SRSF3: variants seen among roughly 807,000 people sequenced by gnomAD.
SRSF3 encodes the protein serine and arginine rich splicing factor 3.
For synonymous variants in SRSF3, 87 were observed against 73.6 expected, an observed-to-expected ratio of 1.18 and a Z score of -0.93; for missense variants, 58 against 217.1, an observed-to-expected ratio of 0.27 and a Z score of 4.61.
At chr6:36,599,686 G>GA in intron 3 of SRSF3, 1 of 700,852 alleles carries the variant, frequency 1.4e-6, no homozygotes, top group Non-Finnish European at 2.2e-6. Context: ...TTGCTATTTT[G>GA]AAAAACAACA....
At position 36,604,528 on chromosome 6, in the gene SRSF3, G is replaced by A. The variant is rs533726337; in HGVS notation, c.*2539G>A. The A allele has an allele frequency of 1.1e-5, 2 of 177,444 alleles. No individual in the cohort carries two copies. The highest frequency in any genetic ancestry group is 1.9e-4 in the East Asian group (2 of 10,574). 11.0% of individuals were successfully genotyped at this position (177,444 alleles called of 1,614,324 possible). On this transcript the variant is annotated 3_prime_UTR_variant, in exon 6 of 6. Transcript: ENST00000373715. The stretch of plus-strand genomic sequence containing the variant: ...CCTCCATGTCTTAAGCAGAAAGTAG[G>A]GAAGTTGTAGTTTTACCAAGCACAG...
rs1466692181 is a variant in SRSF3, at chr6:36,601,070, A to G, written c.342-82A>G. On this transcript the variant is annotated intron_variant, in intron 3 of 5. Coordinates refer to ENST00000373715, the MANE Select transcript of SRSF3 (RefSeq NM_003017.5). ...CTTCGGCACATTCACTGGGCCCAAC[A>G]GTGAGATTGAAAAGTTGGGAAATGC... 5 of 1,155,790 alleles carry G rather than the reference A, an allele frequency of 4.3e-6. No homozygotes were observed. In the African/African-American group the frequency reaches 6.9e-5, roughly 16 times the overall value. The allele number at this position is 1,155,790 out of a possible 1,614,324, so 71.6% of individuals were successfully genotyped here. A position where few individuals can be genotyped will look rare whatever the true frequency, so the allele number is the denominator to read the frequency against.
rs573272365 is a variant in SRSF3 at position 36,594,467 on chromosome 6, T to C, written c.-17T>C. 2.5e-4 allele frequency: 38 copies of C among 152,520 alleles called. No individual in the cohort carries two copies. Among genetic ancestry groups the C allele is most frequent in the Non-Finnish European group, 4.7e-4 (32 of 68,026 alleles). The allele number at this position is 152,520 out of a possible 1,614,324, so 9.4% of individuals were successfully genotyped here. ...TGTGGATTTGAGCCGCCGCATTTTT[T>C]AACCCTAGATCTCGGTAAGAGACCA... On this transcript the variant is annotated 5_prime_UTR_variant, in exon 1 of 6. Coordinates refer to ENST00000373715, the MANE Select transcript of SRSF3 (RefSeq NM_003017.5).
Position 36,602,185 on chromosome 6 carries a change from G to A in SRSF3, c.*196G>A. ...TATGGTTTGAAATGGATCATACGAG[G>A]CATGTAATACCAAGAATTGTTACTT... On this transcript the variant is annotated 3_prime_UTR_variant, in exon 6 of 6. Coordinates refer to ENST00000373715, the MANE Select transcript of SRSF3 (RefSeq NM_003017.5). 3.7e-6 allele frequency: 4 copies of A among 1,074,364 alleles called. No homozygotes were observed. The highest frequency in any genetic ancestry group is 5.1e-6 in the Non-Finnish European group (4 of 788,454). 66.6% of individuals were successfully genotyped at this position (1,074,364 alleles called of 1,614,324 possible). A position where few individuals can be genotyped will look rare whatever the true frequency, so the allele number is the denominator to read the frequency against.
Position 36,604,906 on chromosome 6 carries a change from C to G in SRSF3, c.*2917C>G, listed in dbSNP as rs1161698183. The G allele has an allele frequency of 6.6e-6, 1 of 152,012 alleles. No homozygotes were observed. Among genetic ancestry groups the G allele is most frequent in the East Asian group, 1.9e-4 (1 of 5,196 alleles). The allele number at this position is 152,012 out of a possible 1,614,324, so 9.4% of individuals were successfully genotyped here. ...TCCAAGTATGCTTTTTTTCAGAGTT[C>G]TGAATGAGATTTAGTTGTCATACCT... is the stretch of plus-strand genomic sequence containing the variant. On this transcript the variant is annotated 3_prime_UTR_variant, in exon 6 of 6. Coordinates refer to ENST00000373715, the MANE Select transcript of SRSF3 (RefSeq NM_003017.5).
intron 2 of SRSF3, 37 bp downstream of exon 2, chr6:36,597,005 T>C (rs1460114371): frequency 6.3e-7 from 1 of 1,599,326 alleles, no homozygotes; most frequent in Non-Finnish European, 8.6e-7. Context: ...ATGTGTTGCT[T>C]GTGTTTTTCA....
chr6:36,601,263 G>A, intron 4 of SRSF3, 73 bp downstream of exon 4: 7 of 1,517,254 alleles, frequency 4.6e-6, no homozygotes, highest in East Asian at 2.3e-5. Flanking sequence ...TTTTCCAGGT[G>A]GCTTAGTTAA....
chr6:36,598,925 T>C lies in SRSF3; in HGVS notation c.283T>C (p.Ser95Pro). Residue 95 changes from serine to proline, a missense_variant, in exon 3 of 6, where the codon TCT becomes CCT. Coordinates refer to ENST00000373715, the MANE Select transcript of SRSF3 (RefSeq NM_003017.5). ...KRSRNRGPPP[S>P]WGRRPRDDYR... is the part of the protein sequence containing the mutation. ...AAGTAGAAATCGTGGCCCACCTCCC[T>C]CTTGGGGTCGTCGCCCTCGAGATGA... The C allele has an allele frequency of 6.2e-7, 1 of 1,614,152 alleles. No individual in the cohort carries two copies. The highest frequency in any genetic ancestry group is 8.5e-7 in the Non-Finnish European group (1 of 1,180,012).
intron 3 of SRSF3, 103 bp downstream of exon 3, chr6:36,599,086 A>T: frequency 7.1e-7 from 1 of 1,410,284 alleles, no homozygotes; most frequent in Admixed American, 2.3e-5. Context: ...CTTTGGAAGA[A>T]TCGGAGGTTT....
chr6:36,599,734 G>C, intron 3 of SRSF3: 2 of 1,017,856 alleles, frequency 2.0e-6, no homozygotes, highest in South Asian at 1.3e-5. Context: ...GTATTTGTTA[G>C]CTAATAGATG....
intron 1 of SRSF3, among the ~76,000 whole-genome samples, chr6:36,594,979 C>T (rs1582507517): frequency 6.6e-6 from 1 of 152,164 alleles, no homozygotes. Context: ...ACTTAAGATT[C>T]GTTCTTTCAT....
Position 36,602,304 on chromosome 6 carries a change from GTTT to G in SRSF3, c.*322_*324del, listed in dbSNP as rs142053744. 6 of 326,896 alleles carry G rather than the reference GTTT, an allele frequency of 1.8e-5. No individual in the cohort carries two copies. The highest frequency in any genetic ancestry group is 2.2e-5 in the Non-Finnish European group (4 of 185,052). 20.2% of individuals were successfully genotyped at this position (326,896 alleles called of 1,614,324 possible). On this transcript the variant is annotated 3_prime_UTR_variant, in exon 6 of 6. Transcript: ENST00000373715. ...CTCTAAACCTGCCCAGCGGAAGTGTGTTTTTTTTTAAATTTAAATACAGAAACA... is the reference window on the plus strand; with the variant it reads ...CTCTAAACCTGCCCAGCGGAAGTGTGTTTTTTAAATTTAAATACAGAAACA...
At position 36,602,167 on chromosome 6, in the gene SRSF3, T is replaced by C; in HGVS notation, c.*178T>C. On this transcript the variant is annotated 3_prime_UTR_variant, in exon 6 of 6. Transcript: ENST00000373715. ...CACAAAGGTGTAATTCTCTATGGTT[T>C]GAAATGGATCATACGAGGCATGTAA... 1.6e-6 allele frequency: 2 copies of C among 1,244,452 alleles called. No individual in the cohort carries two copies. Among genetic ancestry groups the C allele is most frequent in the South Asian group, 1.8e-5 (1 of 55,530 alleles). The allele number at this position is 1,244,452 out of a possible 1,614,324, so 77.1% of individuals were successfully genotyped here.
In SRSF3 at chr6:36,603,116, A is replaced by G. The variant is rs548666710; in HGVS notation, c.*1127A>G. 9.0e-6 allele frequency: 2 copies of G among 223,450 alleles called. No homozygotes were observed. Among genetic ancestry groups the G allele is most frequent in the Non-Finnish European group, 1.8e-5 (2 of 111,776 alleles). The allele number at this position is 223,450 out of a possible 1,614,324, so 13.8% of individuals were successfully genotyped here. ...AGGCATAGAAGCCAGTTCAGGGTCCATAATATTTAGTGACCAACATTTTAA... is the reference window on the plus strand; with the variant it reads ...AGGCATAGAAGCCAGTTCAGGGTCCGTAATATTTAGTGACCAACATTTTAA... On this transcript the variant is annotated 3_prime_UTR_variant, in exon 6 of 6. Transcript: ENST00000373715.
At position 36,605,543 on chromosome 6, in the gene SRSF3, C is replaced by T. The variant is rs1390938574; in HGVS notation, c.*3554C>T. The T allele has an allele frequency of 6.6e-6, 1 of 151,338 alleles. No individual in the cohort carries two copies. The highest frequency in any genetic ancestry group is 1.5e-5 in the Non-Finnish European group (1 of 67,906). The allele number at this position is 151,338 out of a possible 1,614,324, so 9.4% of individuals were successfully genotyped here. Reference sequence around the variant, plus strand: ...GCCTAGTATAATTGATTAGTTTTGTCCATGCAACTTTCCCCTTGTTGGACT... The same window carrying T: ...GCCTAGTATAATTGATTAGTTTTGTTCATGCAACTTTCCCCTTGTTGGACT... On this transcript the variant is annotated 3_prime_UTR_variant, in exon 6 of 6. Coordinates refer to ENST00000373715, the MANE Select transcript of SRSF3 (RefSeq NM_003017.5).
At position 36,604,545 on chromosome 6, in the gene SRSF3, CA is replaced by C. The variant is rs1382634519; in HGVS notation, c.*2558del. 5.7e-6 allele frequency: 1 copy of C among 176,412 alleles called. No individual in the cohort carries two copies. The highest frequency in any genetic ancestry group is 9.6e-5 in the East Asian group (1 of 10,424). The allele number at this position is 176,412 out of a possible 1,614,324, so 10.9% of individuals were successfully genotyped here. On this transcript the variant is annotated 3_prime_UTR_variant, in exon 6 of 6. Coordinates refer to ENST00000373715, the MANE Select transcript of SRSF3 (RefSeq NM_003017.5). ...GAAAGTAGGGAAGTTGTAGTTTTAC[CA>C]AGCACAGGTACCCTGTGTCTACCAT... is the stretch of plus-strand genomic sequence containing the variant.
At chr6:36,596,585 A>T (rs1206453564) in intron 1 of SRSF3, among the ~76,000 whole-genome samples, 176 bp from the exon 2 acceptor site, 1 of 89,200 alleles carries the variant, frequency 1.1e-5, no homozygotes, top group Non-Finnish European at 2.3e-5. Flanking sequence ...GGGGGGGGGG[A>T]AATGGGTGCT....
At chr6:36,597,118 T>TG (rs1778643269) in intron 2 of SRSF3, 150 bp downstream of exon 2, 1 of 661,170 alleles carries the variant, frequency 1.5e-6, no homozygotes, top group East Asian at 2.8e-5. Context: ...TTTTTTTTTT[T>TG]GGTGGGGAGA....
At chr6:36,597,180 C>T (rs916266465) in intron 2 of SRSF3, 10 of 570,510 alleles carry the variant, frequency 1.8e-5, no homozygotes, top group Non-Finnish European at 3.1e-5. Context: ...TCTCCCGCTC[C>T]CCGCAACCTC....
Sources: gnomAD v4.1 joint callset for allele counts (sites outside exome capture counted in the v4.1 genomes callset) on GRCh38, gnomAD v4.1.1 for gene constraint, MANE v1.5 for transcripts, NCBI Gene and HGNC (gene_info 2026-07-23, HGNC 2026-07-21) for gene names.